Variants in ZNF787 observed in about 807,000 individuals in gnomAD.
The protein encoded by ZNF787 is zinc finger protein 787.
Under a neutral mutation model 16.9 loss-of-function variants are expected in ZNF787, and 7 were observed. The observed-to-expected ratio is 0.42, with a 90% CI of 0.24 to 0.78. The LOEUF (loss-of-function observed/expected upper bound fraction) is 0.78, where lower values mean the gene tolerates loss of function less well. ZNF787 is among the 30% of genes least tolerant of loss of function. The pLI, the probability that ZNF787 is intolerant of heterozygous loss-of-function variation, is 0.30. For synonymous variants in ZNF787, 345 were observed against 270.9 expected, an observed-to-expected ratio of 1.27 and a Z score of -2.69; for missense variants, 551 against 589.3, an observed-to-expected ratio of 0.94 and a Z score of 0.67.
At chr19:56,106,998 C>CCTGAGAGT (rs1986349361) in intron 1 of ZNF787, among the ~76,000 whole-genome samples, 1 of 152,190 alleles carries the variant, frequency 6.6e-6, no homozygotes, top group African/African-American at 2.4e-5. Flanking sequence ...TCACGAAGGG[C>CCTGAGAGT]CTGAGAGTCT....
rs534014598 is a variant in ZNF787, at chr19:56,111,649, G to A, written c.-10-8422C>T. On this transcript the variant is annotated intron_variant, in intron 1 of 2. Coordinates refer to ENST00000610935, the MANE Select transcript of ZNF787 (RefSeq NM_001002836.4). ...CTGGTCGCTCTTCTAAGAGGGAGGC[G>A]GGAAGGAACTCCGCACCGTGGCGAC... 5.3e-5 allele frequency among the ~76,000 whole-genome samples: 8 copies of A among 152,210 alleles called. No homozygotes were observed. In the South Asian group the frequency reaches 1.0e-3, roughly 20 times the overall value.
At chr19:56,112,220 T>C (rs1001934777) in intron 1 of ZNF787, among the ~76,000 whole-genome samples, 1 of 152,100 alleles carries the variant, frequency 6.6e-6, no homozygotes, top group African/African-American at 2.4e-5. Context: ...CCACTTGCTC[T>C]CAAGAAAACC....
chr19:56,090,281 C>T (rs953260740), intron 2 of ZNF787, among the ~76,000 whole-genome samples: 12 of 152,140 alleles, frequency 7.9e-5, no homozygotes, highest in African/African-American at 2.7e-4. Context: ...CAAAACTGAG[C>T]CTTTACAAGG....
chr19:56,102,918 A>G (rs1380255105), intron 2 of ZNF787: 1 of 707,288 alleles, frequency 1.4e-6, no homozygotes, highest in Non-Finnish European at 2.6e-6. Context: ...AGGGGTCCCC[A>G]AGATCATCCA....
intron 2 of ZNF787, among the ~76,000 whole-genome samples, chr19:56,091,685 T>C (rs1420456530): frequency 1.3e-5 from 2 of 152,214 alleles, no homozygotes; most frequent in Non-Finnish European, 2.9e-5. Flanking sequence ...CACTACTTTT[T>C]CTAAGTACGA....
chr19:56,113,329 A>G (rs2030034181), intron 1 of ZNF787, among the ~76,000 whole-genome samples: 1 of 152,220 alleles, frequency 6.6e-6, no homozygotes, highest in African/African-American at 2.4e-5. Context: ...CAAAAGGTTA[A>G]GCCCAGAACT....
chr19:56,096,177 T>G (rs1739935857), intron 2 of ZNF787, among the ~76,000 whole-genome samples: 1 of 151,322 alleles, frequency 6.6e-6, no homozygotes, highest in Admixed American at 6.6e-5. Flanking sequence ...GAGGTTAACT[T>G]GAGCTCAGGA....
intron 2 of ZNF787, among the ~76,000 whole-genome samples, chr19:56,099,421 G>C (rs1020968625): frequency 4.6e-5 from 7 of 152,160 alleles, no homozygotes; most frequent in Non-Finnish European, 7.4e-5. Context: ...GGGACAGAAA[G>C]GGGGAGTCAC....
intron 2 of ZNF787, among the ~76,000 whole-genome samples, chr19:56,100,102 A>G (rs1321214270): frequency 6.6e-6 from 1 of 152,126 alleles, no homozygotes; most frequent in East Asian, 1.9e-4. Context: ...GCCGGGACAC[A>G]CGGAAGTCAG....
Position 56,087,932 on chromosome 19 carries a change from G to A in ZNF787, c.*91C>T, listed in dbSNP as rs1985364139. ...GATGCCGCGGGGTCCATCGCACCCC[G>A]TCCGCTTCTCCCTGGGTCTCTTGGT... On this transcript the variant is annotated 3_prime_UTR_variant, in exon 3 of 3. Coordinates refer to ENST00000610935, the MANE Select transcript of ZNF787 (RefSeq NM_001002836.4). The A allele has an allele frequency of 1.3e-5, 17 of 1,287,072 alleles. No homozygotes were observed. Among genetic ancestry groups the A allele is most frequent in the East Asian group, 3.5e-5 (1 of 28,306 alleles). The allele number at this position is 1,287,072 out of a possible 1,614,324, so 79.7% of individuals were successfully genotyped here.
intron 2 of ZNF787, among the ~76,000 whole-genome samples, chr19:56,097,349 G>A (rs956441556): frequency 2.6e-5 from 4 of 152,294 alleles, no homozygotes; most frequent in Non-Finnish European, 4.4e-5. Flanking sequence ...TTTCAAAAAC[G>A]CCCCAGGTCA....
chr19:56,088,257 G>A lies in ZNF787; in HGVS notation c.915C>T (p.Asp305=), dbSNP rs144576084. ...LLAHQRAQHG[D]GLGAAGGEEP... The stretch of plus-strand genomic sequence containing the variant: ...CCTCGCCCCCCGCCGCCCCGAGCCC[G>A]TCCCCGTGCTGGGCCCGCTGGTGCG... Residue 305 remains aspartate, a synonymous_variant, in exon 3 of 3, where the codon GAC becomes GAT. Coordinates refer to ENST00000610935, the MANE Select transcript of ZNF787 (RefSeq NM_001002836.4). This position sits in a 1 kb window ranked among gnomAD's most constrained non-coding sequence, Gnocchi z 8.6. 1,966 of 1,452,548 alleles carry A rather than the reference G, an allele frequency of 1.4e-3. 24 individuals carry two copies. In the African/African-American group the frequency reaches 0.026, roughly 19 times the overall value. The allele number at this position is 1,452,548 out of a possible 1,614,324, so 90.0% of individuals were successfully genotyped here. A position where few individuals can be genotyped will look rare whatever the true frequency, so the allele number is the denominator to read the frequency against.
At chr19:56,113,755 G>A (rs2030050892) in intron 1 of ZNF787, among the ~76,000 whole-genome samples, 2 of 151,912 alleles carry the variant, frequency 1.3e-5, no homozygotes, top group South Asian at 4.2e-4. Flanking sequence ...TTGGGATGAA[G>A]AACAGGTTCT....
At chr19:56,118,880 G>C (rs2030210416) in intron 1 of ZNF787, among the ~76,000 whole-genome samples, 1 of 152,126 alleles carries the variant, frequency 6.6e-6, no homozygotes, top group African/African-American at 2.4e-5. Context: ...CTTGAGCTGT[G>C]ACCCCTGCCA....
chr19:56,093,396 C>T (rs1478315726), intron 2 of ZNF787, among the ~76,000 whole-genome samples: 2 of 152,114 alleles, frequency 1.3e-5, no homozygotes, highest in Admixed American at 6.5e-5. Flanking sequence ...GGTGCACACG[C>T]GATCTCAGGG....
intron 1 of ZNF787, among the ~76,000 whole-genome samples, chr19:56,107,700 A>G (rs2029876487): frequency 6.6e-6 from 1 of 151,830 alleles, no homozygotes; most frequent in Non-Finnish European, 1.5e-5. Flanking sequence ...TAGGGGGAGA[A>G]AGTGACGGGC....
intron 1 of ZNF787, among the ~76,000 whole-genome samples, chr19:56,111,599 G>A (rs1026409115): frequency 6.6e-6 from 1 of 152,154 alleles, no homozygotes; most frequent in Non-Finnish European, 1.5e-5. Flanking sequence ...GGAGGGGTAA[G>A]GGGTGAGGGG....
At position 56,087,879 on chromosome 19, in the gene ZNF787, C is replaced by G; in HGVS notation, c.*144G>C. ...CCCCAGTGCCCCCCCACGGACGGCG[C>G]AGGGACAGAGGAGGGCGGGGAGCCG... is the stretch of plus-strand genomic sequence containing the variant. On this transcript the variant is annotated 3_prime_UTR_variant, in exon 3 of 3. Transcript: ENST00000610935. 4.0e-6 allele frequency: 5 copies of G among 1,244,506 alleles called. No individual in the cohort carries two copies. Among genetic ancestry groups the G allele is most frequent in the Non-Finnish European group, 5.1e-6 (5 of 984,940 alleles). 77.1% of individuals were successfully genotyped at this position (1,244,506 alleles called of 1,614,324 possible).
intron 2 of ZNF787, among the ~76,000 whole-genome samples, chr19:56,092,064 C>A (rs560000331): frequency 1.4e-5 from 2 of 144,568 alleles, no homozygotes; most frequent in East Asian, 1.9e-4. Flanking sequence ...CTCACCCTCA[C>A]CCTCACCCTC....
Sources: allele counts gnomAD v4.1 joint callset (sites outside exome capture counted in the v4.1 genomes callset), GRCh38; gene constraint gnomAD v4.1.1; non-coding constraint Gnocchi (gnomAD v3.1); transcripts MANE v1.5; gene names NCBI Gene and HGNC (gene_info 2026-07-23, HGNC 2026-07-21).